The following ZNF311 variants were observed in gnomAD, a reference collection of about 807,000 sequenced individuals.
ZNF311 encodes zinc finger protein zfp31.
In ZNF311, 14 loss-of-function variants were observed where a neutral mutation model predicts 22.7. The ratio of observed to expected loss-of-function variants is 0.62; its 90% CI spans 0.41 to 0.96. The LOEUF (loss-of-function observed/expected upper bound fraction) is 0.96, where lower values mean the gene tolerates loss of function less well. Ranked by LOEUF, ZNF311 falls within the 40% of genes least tolerant of loss-of-function variation. The probability of loss-of-function intolerance (pLI) is 0.00; values close to 1 mark genes in which losing one functional copy is unlikely to be tolerated. For synonymous variants in ZNF311, 250 were observed against 275.3 expected, an observed-to-expected ratio of 0.91 and a Z score of 0.91; for missense variants, 731 against 799.0, an observed-to-expected ratio of 0.91 and a Z score of 1.03.
chr6:28,998,788 C>G lies in ZNF311; in HGVS notation c.361G>C (p.Asp121His), dbSNP rs2150682780. 2 of 1,612,966 alleles carry G rather than the reference C, an allele frequency of 1.2e-6. No individual in the cohort carries two copies. The highest frequency in any genetic ancestry group is 1.1e-5 in the South Asian group (1 of 91,076). The stretch of plus-strand genomic sequence containing the variant: ...TCCTGTGGATCCTGCACACAGGGGT[C>G]TACTTCTCGCTCCAGATGAGAGATT... ...PLISHLEREV[D>H]PCVQDPQDRE... Residue 121 changes from aspartate (D) to histidine (H), a missense_variant, in exon 6 of 7, where the codon GAC becomes CAC. Coordinates refer to ENST00000377179, the MANE Select transcript of ZNF311 (RefSeq NM_001382360.1).
rs765443027 is a variant in ZNF311 at position 28,999,906 on chromosome 6, T to G, written c.183+50A>C. The G allele has an allele frequency of 5.8e-6, 9 of 1,565,006 alleles. No individual in the cohort carries two copies. In the Admixed American group the frequency reaches 7.3e-5, roughly 13 times the overall value. On this transcript the variant is annotated intron_variant, in intron 4 of 6. Coordinates refer to ENST00000377179, the MANE Select transcript of ZNF311 (RefSeq NM_001382360.1). ...AACGCAGTGAAAACAAGGCCATATT[T>G]TGGAGGTAGTGATGTATTTTCAAGG...
chr6:29,001,343 A>G (rs1364023822), intron 3 of ZNF311, among the ~76,000 whole-genome samples: 1 of 152,174 alleles, frequency 6.6e-6, no homozygotes, highest in African/African-American at 2.4e-5. Context: ...TTTAGAACCA[A>G]GCTGATTTCT....
rs1780847013 is a variant in ZNF311, at chr6:29,004,144, G to A, written c.-190C>T. On this transcript the variant is annotated 5_prime_UTR_variant, in exon 2 of 7. Coordinates refer to ENST00000377179, the MANE Select transcript of ZNF311 (RefSeq NM_001382360.1). ...CAGTGCCGCTACTGTTTGGCTTAAT[G>A]TGTCAAACACTGCCCTGGATTTGGG... 4 of 1,487,794 alleles carry A rather than the reference G, an allele frequency of 2.7e-6. No homozygotes were observed. The South Asian group carries it at 4.1e-5, about 15-fold the overall frequency. The allele number at this position is 1,487,794 out of a possible 1,614,324, so 92.2% of individuals were successfully genotyped here.
chr6:28,997,443 T>C (rs1779767389), intron 6 of ZNF311, among the ~76,000 whole-genome samples: 1 of 152,212 alleles, frequency 6.6e-6, no homozygotes, highest in Non-Finnish European at 1.5e-5. Flanking sequence ...TAATTTCTAT[T>C]GCTGTCAACC....
Position 28,995,561 on chromosome 6 carries a change from G to GA in ZNF311, c.1440dup (p.Arg481SerfsTer3). On this transcript the variant is annotated frameshift_variant, in exon 7 of 7. Coordinates refer to ENST00000377179, the MANE Select transcript of ZNF311 (RefSeq NM_001382360.1). LOFTEE classifies it low-confidence loss of function (END_TRUNC). This position sits in a 1 kb window ranked among gnomAD's most constrained non-coding sequence, Gnocchi z 4.7. ...TGAGCCCTGCGCTTACAGTTATGAC[G>GA]AAAGGCTTTCCCACACTCCTCACAC... 1 of 1,613,558 alleles carries GA rather than the reference G, an allele frequency of 6.2e-7. No individual in the cohort carries two copies. Among genetic ancestry groups the GA allele is most frequent in the Non-Finnish European group, 8.5e-7 (1 of 1,179,990 alleles).
intron 3 of ZNF311, among the ~76,000 whole-genome samples, chr6:29,002,997 G>A (rs1297170348): frequency 6.6e-6 from 1 of 152,114 alleles, no homozygotes; most frequent in Non-Finnish European, 1.5e-5. Context: ...GCTTCAATGG[G>A]AAAACTTTTG....
chr6:29,000,140 T>A, intron 3 of ZNF311, 93 bp from the exon 4 acceptor site: 1 of 1,205,274 alleles, frequency 8.3e-7, no homozygotes, highest in Non-Finnish European at 1.2e-6. Flanking sequence ...TAGAAGCTTC[T>A]GCAGCTCTAA....
chr6:28,994,993 C>T lies in ZNF311; in HGVS notation c.*8G>A, dbSNP rs574574966. 8 of 1,580,308 alleles carry T rather than the reference C, an allele frequency of 5.1e-6. No homozygotes were observed. Among genetic ancestry groups the T allele is most frequent in the East Asian group, 2.2e-5 (1 of 44,612 alleles). ...GAAAAACAGAAAGTAACACCAGAAT[C>T]GTTATACTCAGGCACTGGTCAAAAT... On this transcript the variant is annotated 3_prime_UTR_variant, in exon 7 of 7. Coordinates refer to ENST00000377179, the MANE Select transcript of ZNF311 (RefSeq NM_001382360.1).
Position 28,994,917 on chromosome 6 carries a change from G to A in ZNF311, c.*84C>T. ...GGGGAATCTCACAATTAAGGGTCAG[G>A]AAATCAGGAATAACTAATATAAGAG... On this transcript the variant is annotated 3_prime_UTR_variant, in exon 7 of 7. Transcript: ENST00000377179. 3 of 1,404,322 alleles carry A rather than the reference G, an allele frequency of 2.1e-6. No homozygotes were observed. The highest frequency in any genetic ancestry group is 2.8e-6 in the Non-Finnish European group (3 of 1,066,236). 87.0% of individuals were successfully genotyped at this position (1,404,322 alleles called of 1,614,324 possible). A position where few individuals can be genotyped will look rare whatever the true frequency, so the allele number is the denominator to read the frequency against.
In ZNF311 at chr6:29,004,003, T is replaced by C; in HGVS notation, c.-49A>G. 2 of 1,612,982 alleles carry C rather than the reference T, an allele frequency of 1.2e-6. No homozygotes were observed. Among genetic ancestry groups the C allele is most frequent in the Non-Finnish European group, 1.7e-6 (2 of 1,179,920 alleles). ...AGTCTTCCACTGCTGTCCTGGTTTCTTCCTACTGGTCAGATCCAGTTCTCA... is the reference window on the plus strand; with the variant it reads ...AGTCTTCCACTGCTGTCCTGGTTTCCTCCTACTGGTCAGATCCAGTTCTCA... On this transcript the variant is annotated 5_prime_UTR_variant, in exon 2 of 7. Coordinates refer to ENST00000377179, the MANE Select transcript of ZNF311 (RefSeq NM_001382360.1).
At position 28,995,786 on chromosome 6, in the gene ZNF311, T is replaced by C. The variant is rs771754606; in HGVS notation, c.1216A>G (p.Ile406Val). Residue 406 changes from isoleucine (I) to valine (V), a missense_variant, in exon 7 of 7, where the codon ATA becomes GTA. Ile to Val is a conservative substitution (Grantham distance 29). Transcript: ENST00000377179. The surrounding 1 kb of genome is among the most constrained non-coding windows in gnomAD (Gnocchi z 4.7). ...FSGSSDLTKH[I>V]RIHTGERPYE... The stretch of plus-strand genomic sequence containing the variant: ...GGTCGTTCCCCAGTGTGGATTCTTA[T>C]GTGTTTGGTGAGGTCTGAACTCCCA... The C allele has an allele frequency of 2.0e-5, 32 of 1,613,828 alleles. No homozygotes were observed. The Admixed American group carries it at 3.0e-4, about 15-fold the overall frequency.
chr6:28,996,448 CA>C lies in ZNF311; in HGVS notation c.553del (p.Cys185ValfsTer7). 6.2e-7 allele frequency: 1 copy of C among 1,609,822 alleles called. No homozygotes were observed. The highest frequency in any genetic ancestry group is 8.5e-7 in the Non-Finnish European group (1 of 1,180,034). On this transcript the variant is annotated frameshift_variant, in exon 7 of 7. Coordinates refer to ENST00000377179, the MANE Select transcript of ZNF311 (RefSeq NM_001382360.1). LOFTEE classifies it low-confidence loss of function (END_TRUNC). ...ATTCTCTAATTTGACATCCTGAACA[CA>C]AACTTCTCTAACCTTAGGATCCCGG... The part of the protein sequence containing the change: ...DSRDPKVREV[C>X]VQDVKLENQW...
Position 28,995,489 on chromosome 6 carries a change from C to T in ZNF311, c.1513G>A (p.Gly505Arg), listed in dbSNP as rs758989723. Reference sequence around the variant, plus strand: ...CAGTGCTTATCTTGGAAGGTTTTCCCACAATCCCTGCATTGATAGGGCTTC... The same window carrying T: ...CAGTGCTTATCTTGGAAGGTTTTCCTACAATCCCTGCATTGATAGGGCTTC... ...GEKPYQCRDCGKTFQDKHCLT... is the reference protein window; with the variant it reads ...GEKPYQCRDCRKTFQDKHCLT... The change falls in exon 7 of 7, where the codon GGG becomes AGG. Residue 505 changes from glycine to arginine, a missense_variant. By Grantham distance (125) the Gly-to-Arg change is moderately radical. Coordinates refer to ENST00000377179, the MANE Select transcript of ZNF311 (RefSeq NM_001382360.1). The surrounding 1 kb of genome is among the most constrained non-coding windows in gnomAD (Gnocchi z 4.7). 47 of 1,613,170 alleles carry T rather than the reference C, an allele frequency of 2.9e-5. 1 individual carries two copies. The South Asian group carries it at 4.1e-4, about 14-fold the overall frequency.
At position 28,995,169 on chromosome 6, in the gene ZNF311, A is replaced by G. The variant is rs2150633772; in HGVS notation, c.1833T>C (p.Tyr611=). 1 of 1,614,088 alleles carries G rather than the reference A, an allele frequency of 6.2e-7. No individual in the cohort carries two copies. Among genetic ancestry groups the G allele is most frequent in the Non-Finnish European group, 8.5e-7 (1 of 1,180,042 alleles). ...AAGCTTTTCCACATTCCTCACATTC[A>G]TAAGGTTTCTCCCCAGTATGAACTC... ...HKRVHTGEKP[Y]ECEECGKAFR... is the part of the protein sequence containing the mutation. The change falls in exon 7 of 7, where the codon TAT becomes TAC. Residue 611 remains tyrosine (Y), a synonymous_variant. Transcript: ENST00000377179. This position sits in a 1 kb window ranked among gnomAD's most constrained non-coding sequence, Gnocchi z 4.7.
chr6:28,998,848 G>A lies in ZNF311; in HGVS notation c.311-10C>T. ...TTAGGAAATGGAAATCCTGGTTGCA[G>A]AGAAGAAATAAGTGTGTAGAGTAAC... On this transcript the variant is annotated splice_polypyrimidine_tract_variant and intron_variant, in intron 5 of 6. Transcript: ENST00000377179. The A allele has an allele frequency of 6.2e-7, 1 of 1,601,270 alleles. No homozygotes were observed. Among genetic ancestry groups the A allele is most frequent in the Non-Finnish European group, 8.6e-7 (1 of 1,169,532 alleles).
chr6:29,003,542 C>A lies in ZNF311; in HGVS notation c.62G>T (p.Arg21Leu), dbSNP rs753718649. The change falls in exon 3 of 7, where the codon CGC becomes CTC. Residue 21 changes from arginine to leucine, a missense_variant. Physicochemically the swap from Arg to Leu is moderately radical, Grantham distance 102. Coordinates refer to ENST00000377179, the MANE Select transcript of ZNF311 (RefSeq NM_001382360.1). The stretch of plus-strand genomic sequence containing the variant: ...TTCCTGAGGGAGCTGGGTATCCTGG[C>A]GGGTCCAAAGCAGCTGGCTTGGTGG... ...SGPPSQLLWTRQDTQLPQESA... is the reference protein window; with the variant it reads ...SGPPSQLLWTLQDTQLPQESA... 4.3e-6 allele frequency: 7 copies of A among 1,612,862 alleles called. No individual in the cohort carries two copies. In the Admixed American group the frequency reaches 6.7e-5, roughly 15 times the overall value.
chr6:28,996,358 C>A lies in ZNF311; in HGVS notation c.644G>T (p.Cys215Phe). The A allele has an allele frequency of 1.9e-6, 3 of 1,611,896 alleles. No individual in the cohort carries two copies. The highest frequency in any genetic ancestry group is 8.5e-7 in the Non-Finnish European group (1 of 1,179,918). The stretch of plus-strand genomic sequence containing the variant: ...CACTTTCTGGTTCTTTCCTTTTTTG[C>A]AGGTCACTTCCTCAGAGCCTTCTTT... ...EEKEGSEEVT[C>F]KKGKNQKVLS... The change falls in exon 7 of 7, where the codon TGC becomes TTC. Residue 215 changes from cysteine (C) to phenylalanine (F), a missense_variant. Coordinates refer to ENST00000377179, the MANE Select transcript of ZNF311 (RefSeq NM_001382360.1).
Position 28,995,940 on chromosome 6 carries a change from G to A in ZNF311, c.1062C>T (p.Thr354=), listed in dbSNP as rs557275442. The A allele has an allele frequency of 4.0e-5, 65 of 1,613,362 alleles. 1 individual carries two copies. In the Admixed American group the frequency reaches 4.3e-4, roughly 11 times the overall value. Residue 354 remains threonine, a synonymous_variant, in exon 7 of 7, where the codon ACC becomes ACT. Transcript: ENST00000377179. This position sits in a 1 kb window ranked among gnomAD's most constrained non-coding sequence, Gnocchi z 4.7. ...NRLCMHQLIH[T]GEKPYKCNCC... is the part of the protein sequence containing the mutation. ...AGTTACATTTGTAAGGCTTCTCCCC[G>A]GTGTGGATAAGCTGATGCATACAGA...
At chr6:29,003,485 T>A in intron 3 of ZNF311, 28 bp downstream of exon 3, 1 of 1,610,806 alleles carries the variant, frequency 6.2e-7, no homozygotes, top group Non-Finnish European at 8.5e-7. Flanking sequence ...CTGCCGTGAC[T>A]CCTGCCACAA....
Sources: gnomAD v4.1 joint callset for allele counts (sites outside exome capture counted in the v4.1 genomes callset) on GRCh38, gnomAD v4.1.1 for gene constraint, Gnocchi (gnomAD v3.1) non-coding constraint, MANE v1.5 for transcripts, NCBI Gene and HGNC (gene_info 2026-07-23, HGNC 2026-07-21) for gene names.